Variants in RP1L1 observed in about 807,000 individuals in gnomAD.
RP1L1 encodes the protein retinitis pigmentosa 1-like 1 protein.
A neutral mutation model predicts 15.7 loss-of-function variants in RP1L1; 27 were observed. The observed-to-expected ratio is 1.72, with a 90% CI of 1.27 to 2.38. The LOEUF (loss-of-function observed/expected upper bound fraction) is 2.38. Ranked by LOEUF, RP1L1 falls within the 30% of genes most tolerant of loss-of-function variation. The pLI, the probability that RP1L1 is intolerant of heterozygous loss-of-function variation, is 0.00. For missense variants in RP1L1, 4,798 were observed against 3,075.9 expected, an observed-to-expected ratio of 1.56 and a Z score of -13.24; for synonymous variants, 1,813 against 1,276.7, an observed-to-expected ratio of 1.42 and a Z score of -8.96.
rs748804892 is a variant in RP1L1 at position 10,612,465 on chromosome 8, A to C, written c.1633T>G (p.Ser545Ala). 2.5e-6 allele frequency: 4 copies of C among 1,612,652 alleles called. No individual in the cohort carries two copies. Among genetic ancestry groups the C allele is most frequent in the Non-Finnish European group, 2.5e-6 (3 of 1,179,998 alleles). Residue 545 changes from serine (S) to alanine (A), a missense_variant, in exon 4 of 4, where the codon TCC (serine) becomes GCC (alanine). Physicochemically the swap from Ser to Ala is moderately conservative, Grantham distance 99. Transcript: ENST00000382483. ...TGGGGCCGCCCACCCCATTCGCTGG[A>C]TCCCTCATGAGAGCCGGTGCTGGCT... ...SSASTGSHEGSSEWGGRPQGC... is the reference protein window; with the variant it reads ...SSASTGSHEGASEWGGRPQGC...
In RP1L1 at chr8:10,607,444, T is replaced by G; in HGVS notation, c.6654A>C (p.Glu2218Asp). 1 of 1,613,802 alleles carries G rather than the reference T, an allele frequency of 6.2e-7. No individual in the cohort carries two copies. Among genetic ancestry groups the G allele is most frequent in the Non-Finnish European group, 8.5e-7 (1 of 1,179,922 alleles). Residue 2218 changes from glutamate to aspartate, a missense_variant, in exon 4 of 4, where the codon GAA becomes GAC. Glu to Asp is a conservative substitution (Grantham distance 45). Transcript: ENST00000382483. ...CTTCTGGCTCTGGCTGGGCCTCCTC[T>G]TCAGCCTCCGGGGCCTCTACACCTT... Reference protein sequence around the residue: ...ELEGVEAPEAEEEAQPEPEGV... With the variant: ...ELEGVEAPEADEEAQPEPEGV...
At chr8:10,629,433 A>G (rs1798207875) in intron 1 of RP1L1, among the ~76,000 whole-genome samples, 1 of 152,180 alleles carries the variant, frequency 6.6e-6, no homozygotes, top group East Asian at 1.9e-4. Flanking sequence ...GCTGGAGAGG[A>G]GGAATGGACT....
In RP1L1 at chr8:10,610,690, G is replaced by A; in HGVS notation, c.3408C>T (p.Ala1136=). ...GGGAGTCTTTGAACCTCACTTTGCTGGCAGGAGACCCAAGGTCTTCCTCAA... is the reference window on the plus strand; with the variant it reads ...GGGAGTCTTTGAACCTCACTTTGCTAGCAGGAGACCCAAGGTCTTCCTCAA... ...QLFEEDLGSP[A]SKVRFKDSPR... Residue 1136 remains alanine, a synonymous_variant, in exon 4 of 4, where the codon GCC becomes GCT. Transcript: ENST00000382483. 4 of 1,612,440 alleles carry A rather than the reference G, an allele frequency of 2.5e-6. No homozygotes were observed. The highest frequency in any genetic ancestry group is 3.4e-6 in the Non-Finnish European group (4 of 1,179,388).
At chr8:10,625,900 G>T (rs1347364374) in intron 1 of RP1L1, among the ~76,000 whole-genome samples, 1 of 152,098 alleles carries the variant, frequency 6.6e-6, no homozygotes, top group African/African-American at 2.4e-5. Flanking sequence ...CAGGTGGGGG[G>T]CAGGCAGCGA....
At chr8:10,616,615 G>T (rs922537376) in intron 2 of RP1L1, 28 bp from the exon 3 acceptor site, 14 of 1,599,344 alleles carry the variant, frequency 8.8e-6, no homozygotes, top group East Asian at 2.2e-5. Context: ...GGGGTCAGGA[G>T]GCCTGGGCTG....
At chr8:10,633,700 G>A (rs929022676) in intron 1 of RP1L1, among the ~76,000 whole-genome samples, 3 of 152,160 alleles carry the variant, frequency 2.0e-5, no homozygotes, top group African/African-American at 4.8e-5. Flanking sequence ...CCTCCAGGGC[G>A]TGACTGAAGC....
rs764382843 is a variant in RP1L1, at chr8:10,612,839, ACT to A, written c.1257_1258del (p.Arg419SerfsTer73). 5 of 1,611,940 alleles carry A rather than the reference ACT, an allele frequency of 3.1e-6. No homozygotes were observed. Among genetic ancestry groups the A allele is most frequent in the Non-Finnish European group, 4.2e-6 (5 of 1,179,780 alleles). On this transcript the variant is annotated frameshift_variant, in exon 4 of 4. Coordinates refer to ENST00000382483, the MANE Select transcript of RP1L1 (RefSeq NM_178857.6). LOFTEE classifies it low-confidence loss of function (END_TRUNC). ...CAGTCCCCACCTCTTCCGAGCTGCC[ACT>A]CTCTCTCCCTGGGAGGCATGCAGGG...
chr8:10,652,509 C>T (rs1437055164), intron 1 of RP1L1, among the ~76,000 whole-genome samples: 2 of 152,122 alleles, frequency 1.3e-5, no homozygotes, highest in African/African-American at 2.4e-5. Context: ...TAACCAGCCC[C>T]GCAGTATCTT....
rs755501463 is a variant in RP1L1 at position 10,612,161 on chromosome 8, C to T, written c.1937G>A (p.Ser646Asn). The change falls in exon 4 of 4, where the codon AGT becomes AAT. Residue 646 changes from serine to asparagine, a missense_variant. Physicochemically the swap from Ser to Asn is conservative, Grantham distance 46. Coordinates refer to ENST00000382483, the MANE Select transcript of RP1L1 (RefSeq NM_178857.6). ...QGQRRHRSRA[S>N]AMSSPSSPGL... is the part of the protein sequence containing the mutation. ...AGGGCTGCTGGGTGAGGACATTGCA[C>T]TGGCCCGGCTTCTGTGCCTTCTCTG... The T allele has an allele frequency of 1.2e-6, 2 of 1,613,486 alleles. No individual in the cohort carries two copies. Among genetic ancestry groups the T allele is most frequent in the Non-Finnish European group, 1.7e-6 (2 of 1,180,018 alleles).
At chr8:10,615,970 T>C (rs1193688934) in intron 3 of RP1L1, among the ~76,000 whole-genome samples, 2 of 152,150 alleles carry the variant, frequency 1.3e-5, no homozygotes, top group African/African-American at 4.8e-5. Flanking sequence ...AGTGGTGCGA[T>C]CACGGCTCAC....
At position 10,607,095 on chromosome 8, in the gene RP1L1, G is replaced by A; in HGVS notation, c.7003C>T (p.His2335Tyr). 6.2e-7 allele frequency: 1 copy of A among 1,614,200 alleles called. No individual in the cohort carries two copies. The highest frequency in any genetic ancestry group is 8.5e-7 in the Non-Finnish European group (1 of 1,180,030). The change falls in exon 4 of 4, where the codon CAT becomes TAT. Residue 2335 changes from histidine (H) to tyrosine (Y), a missense_variant. Transcript: ENST00000382483. Reference protein sequence around the residue: ...SPDAKSTGTPHAERKATRMYP... With the variant: ...SPDAKSTGTPYAERKATRMYP... ...ATCCTGGTGGCCTTCCTCTCTGCATGAGGGGTCCCCGTGGACTTGGCATCA... is the reference window on the plus strand; with the variant it reads ...ATCCTGGTGGCCTTCCTCTCTGCATAAGGGGTCCCCGTGGACTTGGCATCA...
chr8:10,640,025 C>T (rs1410335714), intron 1 of RP1L1, among the ~76,000 whole-genome samples: 2 of 152,060 alleles, frequency 1.3e-5, no homozygotes, highest in African/African-American at 4.8e-5. Flanking sequence ...GTTTGTTTGC[C>T]TTTTAGTTCT....
chr8:10,618,788 A>G lies in RP1L1; in HGVS notation c.610-2201T>C, dbSNP rs569741514. 5.3e-5 allele frequency among the ~76,000 whole-genome samples: 8 copies of G among 152,284 alleles called. No individual in the cohort carries two copies. The South Asian group carries it at 1.5e-3, about 28-fold the overall frequency. The stretch of plus-strand genomic sequence containing the variant: ...GCTATGCCCCATACCAGCTGTTTCT[A>G]TCCCACTCTCTTTCTGGTATGCTTT... On this transcript the variant is annotated intron_variant, in intron 2 of 3. Coordinates refer to ENST00000382483, the MANE Select transcript of RP1L1 (RefSeq NM_178857.6).
chr8:10,613,166 T>C lies in RP1L1; in HGVS notation c.932A>G (p.Lys311Arg), dbSNP rs1456450929. 13 of 1,613,820 alleles carry C rather than the reference T, an allele frequency of 8.1e-6. No individual in the cohort carries two copies. The highest frequency in any genetic ancestry group is 1.1e-5 in the Non-Finnish European group (13 of 1,180,018). ...GCCGTCCTCATTCATGCGGACCTTC[T>C]TCTTCATGTCATCGCCAGCCACCAG... is the stretch of plus-strand genomic sequence containing the variant. ...GPLVAGDDMK[K>R]KVRMNEDGSL... The change falls in exon 4 of 4, where the codon AAG becomes AGG. Residue 311 changes from lysine to arginine, a missense_variant. Physicochemically the swap from Lys to Arg is conservative, Grantham distance 26. Transcript: ENST00000382483.
At position 10,610,177 on chromosome 8, in the gene RP1L1, T is replaced by C. The variant is rs747175462; in HGVS notation, c.3921A>G (p.Lys1307=). The C allele has an allele frequency of 1.2e-5, 13 of 1,055,496 alleles. No homozygotes were observed. Among genetic ancestry groups the C allele is most frequent in the Non-Finnish European group, 1.7e-5 (13 of 759,428 alleles). 65.4% of individuals were successfully genotyped at this position (1,055,496 alleles called of 1,614,324 possible). A position where few individuals can be genotyped will look rare whatever the true frequency, so the allele number is the denominator to read the frequency against. The change falls in exon 4 of 4, where the codon AAA becomes AAG. Residue 1307 remains lysine, a synonymous_variant. Coordinates refer to ENST00000382483, the MANE Select transcript of RP1L1 (RefSeq NM_178857.6). The part of the protein sequence containing the change: ...VQEEVQLEET[K]EGTEGEGLQE... ...GCAGCCCTTCTCCTTCTGTTCCTTC[T>C]TTAGTTTCCTCTAATTGCACCTCTT...
At chr8:10,636,398 G>A (rs1388135237) in intron 1 of RP1L1, among the ~76,000 whole-genome samples, 1 of 152,210 alleles carries the variant, frequency 6.6e-6, no homozygotes, top group Admixed American at 6.5e-5. Flanking sequence ...TTGGAGGAAT[G>A]AATCAACCTC....
In RP1L1 at chr8:10,606,754, G is replaced by T; in HGVS notation, c.*141C>A. 7.2e-7 allele frequency: 1 copy of T among 1,387,714 alleles called. No individual in the cohort carries two copies. The highest frequency in any genetic ancestry group is 9.8e-7 in the Non-Finnish European group (1 of 1,024,706). 86.0% of individuals were successfully genotyped at this position (1,387,714 alleles called of 1,614,324 possible). On this transcript the variant is annotated 3_prime_UTR_variant, in exon 4 of 4. Coordinates refer to ENST00000382483, the MANE Select transcript of RP1L1 (RefSeq NM_178857.6). Reference sequence around the variant, plus strand: ...AGAGTCCCAGGACAGCATGGCATGGGCTGTGTCCTTGGCAAGTCCTTGGTC... The same window carrying T: ...AGAGTCCCAGGACAGCATGGCATGGTCTGTGTCCTTGGCAAGTCCTTGGTC...
intron 2 of RP1L1, chr8:10,621,562 G>A (rs968932593): frequency 7.9e-6 from 3 of 382,100 alleles, no homozygotes; most frequent in South Asian, 3.9e-5. Context: ...CTGACCTCAG[G>A]TGATCCGCCT....
At chr8:10,618,763 G>T (rs1798012363) in intron 2 of RP1L1, among the ~76,000 whole-genome samples, 1 of 152,180 alleles carries the variant, frequency 6.6e-6, no homozygotes, top group South Asian at 2.1e-4. Context: ...TGTAGTGAAT[G>T]CTATGCCCCA....
Sources: allele counts gnomAD v4.1 joint callset (sites outside exome capture counted in the v4.1 genomes callset), GRCh38; gene constraint gnomAD v4.1.1; transcripts MANE v1.5; gene names NCBI Gene and HGNC (gene_info 2026-07-23, HGNC 2026-07-21).